PRH1: variants seen among roughly 807,000 people sequenced by gnomAD.
PRH1 encodes the protein proline rich protein HaeIII subfamily 1, also known as salivary acidic proline-rich phosphoprotein 1/2.
Under a neutral mutation model 7.9 loss-of-function variants are expected in PRH1, and 7 were observed. The observed-to-expected ratio is 0.89, with a 90% CI of 0.50 to 1.67. The LOEUF is 1.67. PRH1 is among the 40% of genes most tolerant of loss of function. The pLI is 0.00. For synonymous variants in PRH1, 45 were observed against 80.8 expected (o/e 0.56, Z 2.38); for missense variants, 109 against 223.6 (o/e 0.49, Z 3.27).
At position 11,026,816 on chromosome 12, in the gene PRH1, T is replaced by A. The variant is rs139783591; in HGVS notation, c.-126+20204A>T. ...GGTACTTTTTACTGGGCTTGTGATT[T>A]GCTGAATGGTTCTTAATCTACACCC... is the stretch of plus-strand genomic sequence containing the variant. On this transcript the variant is annotated intron_variant, in intron 1 of 3. Transcript: ENST00000539853. Among the ~76,000 whole-genome samples the A allele has an allele frequency of 1.7e-3, 257 of 152,348 alleles. 3 individuals carry two copies. Among genetic ancestry groups the A allele is most frequent in the African/African-American group, 5.8e-3 (242 of 41,578 alleles).
At chr12:10,939,085 G>A in intron 2 of PRH1, 1 of 1,613,988 alleles carries the variant, frequency 6.2e-7, no homozygotes, top group Non-Finnish European at 8.5e-7. Context: ...CAACCGAAGA[G>A]ATCTTTCTTC....
intron 1 of PRH1, among the ~76,000 whole-genome samples, chr12:11,058,430 A>T (rs1943452362): frequency 6.6e-6 from 1 of 152,278 alleles, no homozygotes; most frequent in Non-Finnish European, 1.5e-5. Context: ...ATCTTTTTTA[A>T]AGTAAACGGC....
At chr12:11,048,963 A>G (rs1943024996), upstream of PRH1, 1 of 279,528 alleles carries the variant, frequency 3.6e-6, no homozygotes, top group East Asian at 7.6e-5. Context: ...GGCTAGTAAC[A>G]CCCAGATGCT....
chr12:10,909,249 A>T, intron 2 of PRH1: 1 of 1,613,740 alleles, frequency 6.2e-7, no homozygotes, highest in South Asian at 1.1e-5. Flanking sequence ...CCCAATTATG[A>T]ATTCTGCAAT....
At chr12:11,049,457 T>C (rs537817038), upstream of PRH1, among the ~76,000 whole-genome samples, 4 of 31,374 alleles carry the variant, frequency 1.3e-4, no homozygotes, top group South Asian at 3.4e-3. Flanking sequence ...TTTATAGAAA[T>C]AGAAAATATT....
intron 2 of PRH1, among the ~76,000 whole-genome samples, chr12:10,945,021 G>A (rs1030717666): frequency 2.0e-5 from 3 of 151,980 alleles, no homozygotes; most frequent in African/African-American, 7.2e-5. Flanking sequence ...GTAATTTTCT[G>A]TTGCTGTTGT....
At chr12:10,883,969 C>T (rs140443609) in intron 1 of PRH1, among the ~76,000 whole-genome samples, 185 bp downstream of exon 1, 2 of 152,284 alleles carry the variant, frequency 1.3e-5, no homozygotes, top group Non-Finnish European at 2.9e-5. Context: ...TCTATTTGTG[C>T]AACAAATAAA....
At chr12:10,901,809 TG>T (rs1949728317) in intron 2 of PRH1, among the ~76,000 whole-genome samples, 2 of 78,046 alleles carry the variant, frequency 2.6e-5, no homozygotes, top group African/African-American at 6.1e-5. Flanking sequence ...GGAGGGGGAA[TG>T]GAAAGGGAAA....
intron 2 of PRH1, among the ~76,000 whole-genome samples, chr12:10,897,161 T>C (rs985970398): frequency 1.3e-5 from 2 of 152,148 alleles, no homozygotes; most frequent in African/African-American, 4.8e-5. Context: ...TCTGATACGG[T>C]AGATACTAGC....
At chr12:10,964,167 A>C (rs1489479465) in intron 2 of PRH1, among the ~76,000 whole-genome samples, 1 of 152,244 alleles carries the variant, frequency 6.6e-6, no homozygotes, top group Non-Finnish European at 1.5e-5. Context: ...AATTTCTTAC[A>C]ATATTTTCTA....
downstream of PRH1, among the ~76,000 whole-genome samples, chr12:11,120,668 T>G (rs1402691371): frequency 5.3e-5 from 8 of 152,194 alleles, 1 homozygote; most frequent in African/African-American, 1.9e-4. Context: ...TTTTAAATAT[T>G]TTATCCAGAA....
At chr12:10,948,791 T>C (rs1565492995) in intron 2 of PRH1, among the ~76,000 whole-genome samples, 2 of 152,212 alleles carry the variant, frequency 1.3e-5, no homozygotes, top group Admixed American at 1.3e-4. Context: ...ATAGACTTCC[T>C]TTCTGGATGT....
At chr12:11,124,869 C>T (rs2599414) in intron 1 of PRH1, among the ~76,000 whole-genome samples, 68,973 of 147,614 alleles carry the variant, frequency 0.47, 16,475 homozygotes, top group Non-Finnish European at 0.54. Context: ...TGACATGGAG[C>T]TTCACTCTTG....
At chr12:11,094,050 G>T (rs1592002645) in intron 1 of PRH1, among the ~76,000 whole-genome samples, 1 of 113,038 alleles carries the variant, frequency 8.8e-6, no homozygotes, top group African/African-American at 3.0e-5. Flanking sequence ...ATAAAATCCA[G>T]GTCCAGTGCA....
chr12:10,998,693 A>G (rs918179349), intron 1 of PRH1, among the ~76,000 whole-genome samples: 1 of 152,104 alleles, frequency 6.6e-6, no homozygotes, highest in Non-Finnish European at 1.5e-5. Context: ...TTCATGAAAC[A>G]TATCTCTCAT....
chr12:11,116,795 T>G (rs368571335), downstream of PRH1, among the ~76,000 whole-genome samples: 1 of 152,084 alleles, frequency 6.6e-6, no homozygotes, highest in Non-Finnish European at 1.5e-5. Context: ...ATGTGATACA[T>G]CATATATACA....
Position 10,964,838 on chromosome 12 carries a change from G to A in PRH1, c.-59+8817C>T, listed in dbSNP as rs149046477. 1,150 of 545,760 alleles carry A rather than the reference G, an allele frequency of 2.1e-3. 20 individuals carry two copies. Among genetic ancestry groups the A allele is most frequent in the African/African-American group, 0.02 (1,040 of 52,324 alleles). 33.8% of individuals were successfully genotyped at this position (545,760 alleles called of 1,614,324 possible). ...GGTTACAGTCATATCTGAAAGGTGC[G>A]TCGGATCACTCAATTTGATCTCCCA... On this transcript the variant is annotated intron_variant, in intron 2 of 3. Coordinates refer to the PRH1 transcript ENST00000539853.
intron 1 of PRH1, among the ~76,000 whole-genome samples, chr12:11,062,799 C>CT (rs1050576318): frequency 8.6e-5 from 13 of 152,042 alleles, no homozygotes; most frequent in African/African-American, 3.1e-4. Flanking sequence ...CCTATATGGA[C>CT]TTTTTTAAAT....
intron 1 of PRH1, chr12:10,986,022 A>G (rs768746439): frequency 1.2e-6 from 2 of 1,613,956 alleles, no homozygotes; most frequent in South Asian, 2.2e-5. Flanking sequence ...GGTTCTCCAA[A>G]TTAGGATGAA....
Sources: allele counts gnomAD v4.1 joint callset (sites outside exome capture counted in the v4.1 genomes callset), GRCh38; gene constraint gnomAD v4.1.1; transcripts MANE v1.5; gene names NCBI Gene and HGNC (gene_info 2026-07-23, HGNC 2026-07-21).